The following SLC25A32 variants were observed in gnomAD, a reference collection of about 807,000 sequenced individuals.
SLC25A32 encodes the protein Glycine auxotroph B, complementation of hamster.
A neutral mutation model predicts 39.0 loss-of-function variants in SLC25A32; 32 were observed. That is an observed-to-expected ratio of 0.82 (90% CI 0.62 to 1.10). The LOEUF (loss-of-function observed/expected upper bound fraction) is 1.10, where lower values mean the gene tolerates loss of function less well. Ranked by LOEUF, SLC25A32 falls within the 50% of genes least tolerant of loss-of-function variation. The pLI, the probability that SLC25A32 is intolerant of heterozygous loss-of-function variation, is 0.00. For synonymous variants in SLC25A32, 166 were observed against 152.4 expected, an observed-to-expected ratio of 1.09 and a Z score of -0.66; for missense variants, 367 against 395.3, an observed-to-expected ratio of 0.93 and a Z score of 0.61.
chr8:103,414,972 G>A lies in SLC25A32; in HGVS notation c.-35C>T. On this transcript the variant is annotated 5_prime_UTR_variant, in exon 1 of 7. Transcript: ENST00000297578. ...GCCCGTCGACACCACGGCGCCCAGG[G>A]CCGCGGAGGTGGGACGCGATGCAGT... 1 of 1,582,562 alleles carries A rather than the reference G, an allele frequency of 6.3e-7. No individual in the cohort carries two copies.
At chr8:103,406,049 A>ATGTG (rs376348142) in intron 2 of SLC25A32, among the ~76,000 whole-genome samples, 2,583 of 146,010 alleles carry the variant, frequency 0.018, 51 homozygotes, top group African/African-American at 0.033. Context: ...CAAATTCATG[A>ATGTG]TGTGTGTGTG....
At position 103,404,773 on chromosome 8, in the gene SLC25A32, TACCAGCTTC is replaced by T; in HGVS notation, c.385_391+2del. The T allele has an allele frequency of 3.7e-6, 6 of 1,607,534 alleles. No homozygotes were observed. The highest frequency in any genetic ancestry group is 5.1e-6 in the Non-Finnish European group (6 of 1,174,998). Reference sequence around the variant, plus strand: ...CATTTTTATATTTCACACATTGCCTTACCAGCTTCAGCAGCTGAGACAAGGTATTCTGTT... The same window carrying T: ...CATTTTTATATTTCACACATTGCCTTAGCAGCTGAGACAAGGTATTCTGTT... On this transcript the variant is annotated splice_donor_variant and coding_sequence_variant, in exon 3 of 7. Coordinates refer to ENST00000297578, the MANE Select transcript of SLC25A32 (RefSeq NM_030780.5). LOFTEE classifies it high-confidence loss of function.
chr8:103,415,073 C>T lies in SLC25A32; in HGVS notation c.-136G>A. ...GGACCAACGAGAGGACTCTTATGCC[C>T]AAGGCGCGTGAGCGAAGCCGGAGAC... On this transcript the variant is annotated 5_prime_UTR_variant, in exon 1 of 7. Coordinates refer to ENST00000297578, the MANE Select transcript of SLC25A32 (RefSeq NM_030780.5). 6.2e-7 allele frequency: 1 copy of T among 1,608,594 alleles called. No homozygotes were observed. Among genetic ancestry groups the T allele is most frequent in the Non-Finnish European group, 8.5e-7 (1 of 1,177,834 alleles).
intron 3 of SLC25A32, 85 bp from the exon 4 acceptor site, chr8:103,403,409 TAAA>T (rs11447002): frequency 0.025 from 6,057 of 246,444 alleles, no homozygotes; most frequent in East Asian, 0.035. Context: ...TACATTTATG[TAAA>T]AAAAAAAAAA....
intron 3 of SLC25A32, among the ~76,000 whole-genome samples, chr8:103,404,396 C>T (rs1485129764): frequency 6.6e-6 from 1 of 151,964 alleles, no homozygotes; most frequent in Non-Finnish European, 1.5e-5. Context: ...GAGATCGAGA[C>T]AATTCTGGCC....
chr8:103,412,256 G>T (rs763905498), intron 1 of SLC25A32, among the ~76,000 whole-genome samples: 1 of 152,162 alleles, frequency 6.6e-6, no homozygotes, highest in Non-Finnish European at 1.5e-5. Context: ...TTACGTTTTG[G>T]TTCCTTAATA....
At chr8:103,414,702 C>G in intron 1 of SLC25A32, 82 bp downstream of exon 1, 1 of 1,575,300 alleles carries the variant, frequency 6.3e-7, no homozygotes, top group South Asian at 1.1e-5. Context: ...GCTCCTCCTC[C>G]CCCTAGAACG....
At chr8:103,406,141 CAT>C (rs60507249) in intron 2 of SLC25A32, among the ~76,000 whole-genome samples, 147 of 151,348 alleles carry the variant, frequency 9.7e-4, no homozygotes, top group African/African-American at 3.2e-3. Context: ...TCTATACACA[CAT>C]ATATATGTCA....
At chr8:103,404,958 G>T in intron 2 of SLC25A32, 97 bp from the exon 3 acceptor site, 1 of 706,064 alleles carries the variant, frequency 1.4e-6, no homozygotes, top group Non-Finnish European at 2.3e-6. Context: ...AAAAGCACAA[G>T]TCAATGCATA....
chr8:103,401,434 T>C, intron 6 of SLC25A32, 82 bp downstream of exon 6: 1 of 1,341,518 alleles, frequency 7.5e-7, no homozygotes, highest in Non-Finnish European at 1.0e-6. Context: ...TGGCCTTTGC[T>C]ATAAAACTAG....
chr8:103,403,370 G>A (rs755935789), intron 3 of SLC25A32, 46 bp from the exon 4 acceptor site: 6 of 1,224,464 alleles, frequency 4.9e-6, no homozygotes, highest in South Asian at 3.8e-5. Context: ...AGATACTTTC[G>A]CACTTATGAC....
chr8:103,407,876 G>A, intron 1 of SLC25A32, 92 bp from the exon 2 acceptor site: 2 of 1,005,218 alleles, frequency 2.0e-6, no homozygotes, highest in Non-Finnish European at 2.7e-6. Flanking sequence ...GTTATATAAA[G>A]GAGATAAACT....
intron 1 of SLC25A32, among the ~76,000 whole-genome samples, chr8:103,411,502 GA>G (rs1190166273): frequency 5.9e-5 from 9 of 151,856 alleles, no homozygotes; most frequent in Middle Eastern, 3.4e-3. Flanking sequence ...CTCTAATTAA[GA>G]ACCTTCAAAG....
At position 103,400,318 on chromosome 8, in the gene SLC25A32, C is replaced by A; in HGVS notation, c.*93G>T. The A allele has an allele frequency of 7.0e-7, 1 of 1,425,074 alleles. No individual in the cohort carries two copies. The allele number at this position is 1,425,074 out of a possible 1,614,324, so 88.3% of individuals were successfully genotyped here. ...CTATAGAGCAATTTCGAATATGAGC[C>A]ATGTTTCTATGCAGAATTCTTCTTT... On this transcript the variant is annotated 3_prime_UTR_variant, in exon 7 of 7. Coordinates refer to ENST00000297578, the MANE Select transcript of SLC25A32 (RefSeq NM_030780.5).
chr8:103,400,588 C>T, intron 6 of SLC25A32, 42 bp from the exon 7 acceptor site: 2 of 1,604,772 alleles, frequency 1.2e-6, no homozygotes, highest in Non-Finnish European at 1.7e-6. Context: ...TTGTATAGAG[C>T]TAGCTTGAAA....
At position 103,398,676 on chromosome 8, in the gene SLC25A32, GGGAGTA is replaced by G. The variant is rs1816153932; in HGVS notation, c.*1729_*1734del. 1 of 152,160 alleles carries G rather than the reference GGGAGTA, an allele frequency of 6.6e-6. No individual in the cohort carries two copies. Among genetic ancestry groups the G allele is most frequent in the Non-Finnish European group, 1.5e-5 (1 of 68,040 alleles). The allele number at this position is 152,160 out of a possible 1,614,324, so 9.4% of individuals were successfully genotyped here. On this transcript the variant is annotated 3_prime_UTR_variant, in exon 7 of 7. Coordinates refer to ENST00000297578, the MANE Select transcript of SLC25A32 (RefSeq NM_030780.5). ...GACAAGAATTATGTTTTATTCATTT[GGGAGTA>G]CATAGGCGGTATTTAAACAATGGTG...
In SLC25A32 at chr8:103,401,421, A is replaced by T. The variant is rs1337470232; in HGVS notation, c.812+95T>A. 6.0e-6 allele frequency: 7 copies of T among 1,170,868 alleles called. No homozygotes were observed. The African/African-American group carries it at 9.4e-5, about 16-fold the overall frequency. The allele number at this position is 1,170,868 out of a possible 1,614,324, so 72.5% of individuals were successfully genotyped here. On this transcript the variant is annotated intron_variant, in intron 6 of 6. Transcript: ENST00000297578. ...CACCAATCATGTTTTCACCACAGCA[A>T]ACTGGCCTTTGCTATAAAACTAGTA...
intron 1 of SLC25A32, 45 bp from the exon 2 acceptor site, chr8:103,407,829 C>A: frequency 2.6e-6 from 4 of 1,547,882 alleles, no homozygotes; most frequent in Non-Finnish European, 3.6e-6. Context: ...AAAGTTCTAG[C>A]TCTGTATCAC....
chr8:103,414,721 G>A, intron 1 of SLC25A32, 63 bp downstream of exon 1: 6 of 1,603,494 alleles, frequency 3.7e-6, no homozygotes, highest in South Asian at 2.2e-5. Flanking sequence ...CGGAAAAGAC[G>A]GAGGAGATCC....
Sources: allele counts gnomAD v4.1 joint callset (sites outside exome capture counted in the v4.1 genomes callset), GRCh38; gene constraint gnomAD v4.1.1; transcripts MANE v1.5; gene names NCBI Gene and HGNC (gene_info 2026-07-23, HGNC 2026-07-21).